TSPAN18: variants seen among roughly 807,000 people sequenced by gnomAD.
TSPAN18 encodes tetraspanin-18.
A neutral mutation model predicts 27.3 loss-of-function variants in TSPAN18; 14 were observed. The observed-to-expected ratio is 0.51, with a 90% CI of 0.34 to 0.80. The LOEUF is 0.80. Among genes scored for constraint, TSPAN18 ranks in the 30% least tolerant of loss-of-function variants. The pLI is 0.01. For synonymous variants in TSPAN18, 143 were observed against 136.5 expected, an observed-to-expected ratio of 1.05 and a Z score of -0.33; for missense variants, 268 against 323.9, an observed-to-expected ratio of 0.83 and a Z score of 1.32.
intron 2 of TSPAN18, among the ~76,000 whole-genome samples, chr11:44,859,359 C>T (rs974488505): frequency 4.6e-5 from 7 of 152,310 alleles, no homozygotes; most frequent in Admixed American, 3.3e-4. Context: ...AATTTCTAGA[C>T]GCCAAATGCT....
chr11:44,813,486 G>A (rs1157103251), intron 2 of TSPAN18, among the ~76,000 whole-genome samples: 10 of 152,220 alleles, frequency 6.6e-5, no homozygotes, highest in Admixed American at 6.5e-4. Context: ...CACAGTGTGA[G>A]TGAATTGGAG....
intron 8 of TSPAN18, among the ~76,000 whole-genome samples, chr11:44,923,282 G>T (rs1031734600): frequency 1.3e-5 from 2 of 152,098 alleles, no homozygotes; most frequent in African/African-American, 2.4e-5. Context: ...CATCAGATTA[G>T]GTGGGTGGTG....
At chr11:44,772,441 G>A (rs1327383544) in intron 2 of TSPAN18, among the ~76,000 whole-genome samples, 2 of 151,988 alleles carry the variant, frequency 1.3e-5, no homozygotes, top group East Asian at 3.9e-4. Flanking sequence ...ATGTAAAAAG[G>A]TAACGGGTCA....
intron 2 of TSPAN18, among the ~76,000 whole-genome samples, chr11:44,818,689 A>C (rs1178254820): frequency 6.6e-6 from 1 of 152,178 alleles, no homozygotes; most frequent in African/African-American, 2.4e-5. Context: ...TATCCTTGCA[A>C]GGAAAGGGAG....
chr11:44,743,883 G>A (rs893082343), intron 1 of TSPAN18, among the ~76,000 whole-genome samples: 1 of 152,214 alleles, frequency 6.6e-6, no homozygotes, highest in East Asian at 1.9e-4. Context: ...CGAGTACCCG[G>A]TTTGGGGTAC....
At chr11:44,912,792 T>C (rs907514694) in intron 5 of TSPAN18, among the ~76,000 whole-genome samples, 2 of 150,802 alleles carry the variant, frequency 1.3e-5, no homozygotes, top group Non-Finnish European at 3.0e-5. Flanking sequence ...ATGGGTGTTA[T>C]GCATGCATGG....
intron 3 of TSPAN18, among the ~76,000 whole-genome samples, chr11:44,864,142 C>A (rs1041267255): frequency 2.6e-5 from 4 of 151,928 alleles, no homozygotes; most frequent in Non-Finnish European, 5.9e-5. Flanking sequence ...CAAAAATTAG[C>A]CGGGTGTGGT....
rs1860483973 is a variant in TSPAN18, at chr11:44,929,276, GAGA to G, written c.*102_*104del. 3 of 1,473,856 alleles carry G rather than the reference GAGA, an allele frequency of 2.0e-6. No individual in the cohort carries two copies. The East Asian group carries it at 6.8e-5, about 33-fold the overall frequency. The allele number at this position is 1,473,856 out of a possible 1,614,324, so 91.3% of individuals were successfully genotyped here. On this transcript the variant is annotated 3_prime_UTR_variant, in exon 10 of 10. Coordinates refer to ENST00000520358, the MANE Select transcript of TSPAN18 (RefSeq NM_130783.5). Reference sequence around the variant, plus strand: ...CCCCGCTGTCCTCTTGGCCCCAGGGGAGAAGATGAGGCCATCAGAGATGGCCAG... The same window carrying G: ...CCCCGCTGTCCTCTTGGCCCCAGGGGAGATGAGGCCATCAGAGATGGCCAG...
At chr11:44,897,889 G>T (rs1859121003) in intron 3 of TSPAN18, 2 of 1,283,352 alleles carry the variant, frequency 1.6e-6, no homozygotes, top group Non-Finnish European at 2.0e-6. Context: ...ACCTGACACG[G>T]TCCCATCTCC....
At chr11:44,892,530 C>A (rs1263407936) in intron 3 of TSPAN18, among the ~76,000 whole-genome samples, 1 of 152,250 alleles carries the variant, frequency 6.6e-6, no homozygotes, top group African/African-American at 2.4e-5. Context: ...AAGTAACAGT[C>A]CCTGAAAGAG....
At chr11:44,799,513 G>A (rs577518588) in intron 2 of TSPAN18, among the ~76,000 whole-genome samples, 5 of 152,334 alleles carry the variant, frequency 3.3e-5, no homozygotes, top group Middle Eastern at 3.4e-3. Flanking sequence ...AAGGGAGAAC[G>A]TCAATGAGCG....
At chr11:44,917,845 A>G (rs372257565) in intron 5 of TSPAN18, 127 bp from the exon 6 acceptor site, 19 of 748,368 alleles carry the variant, frequency 2.5e-5, no homozygotes, top group Non-Finnish European at 3.9e-5. Context: ...ATAGCAGTGG[A>G]GTGCCTTAAT....
At chr11:44,762,289 C>T (rs1442922368) in intron 1 of TSPAN18, among the ~76,000 whole-genome samples, 1 of 152,184 alleles carries the variant, frequency 6.6e-6, no homozygotes, top group Non-Finnish European at 1.5e-5. Flanking sequence ...CTACGGGATA[C>T]TGTGCAGCTA....
intron 2 of TSPAN18, among the ~76,000 whole-genome samples, chr11:44,771,662 A>G (rs1432171282): frequency 6.6e-6 from 1 of 152,246 alleles, no homozygotes; most frequent in East Asian, 1.9e-4. Context: ...GGATTCAACC[A>G]ACTGTGAACC....
At chr11:44,835,956 T>C (rs1857256003) in intron 2 of TSPAN18, among the ~76,000 whole-genome samples, 1 of 152,220 alleles carries the variant, frequency 6.6e-6, no homozygotes, top group Admixed American at 6.5e-5. Flanking sequence ...ATAAATGCTA[T>C]ATGTGTTCTG....
intron 1 of TSPAN18, among the ~76,000 whole-genome samples, chr11:44,739,684 G>A (rs547228018): frequency 6.6e-6 from 1 of 152,322 alleles, no homozygotes; most frequent in African/African-American, 2.4e-5. Context: ...AAAAAATAAA[G>A]AGTAACATAG....
At chr11:44,860,281 C>T (rs1324526750) in intron 2 of TSPAN18, 47 bp from the exon 3 acceptor site, 3 of 152,140 alleles carry the variant, frequency 2.0e-5, no homozygotes, top group East Asian at 1.9e-4. Context: ...AAGAAGAGAC[C>T]GCAGCTCGGG....
intron 2 of TSPAN18, among the ~76,000 whole-genome samples, chr11:44,850,179 C>G (rs928432268): frequency 4.6e-5 from 7 of 152,214 alleles, no homozygotes; most frequent in African/African-American, 1.7e-4. Context: ...GGAATTTCAC[C>G]AGGGGTGCTT....
intron 2 of TSPAN18, among the ~76,000 whole-genome samples, chr11:44,788,352 G>T (rs1285270197): frequency 1.3e-5 from 2 of 152,112 alleles, no homozygotes; most frequent in African/African-American, 4.8e-5. Flanking sequence ...GCAACCGAGG[G>T]ACTAGCTTTT....
Sources: allele counts gnomAD v4.1 joint callset (sites outside exome capture counted in the v4.1 genomes callset), GRCh38; gene constraint gnomAD v4.1.1; transcripts MANE v1.5; gene names NCBI Gene and HGNC (gene_info 2026-07-23, HGNC 2026-07-21).